EFCAB11: variants seen among roughly 807,000 people sequenced by gnomAD.
The protein encoded by EFCAB11 is EF-hand calcium-binding domain-containing protein 11.
EFCAB11 carries 14 observed loss-of-function variants against 23.0 expected under a neutral mutation model. That is an observed-to-expected ratio of 0.61 (90% CI 0.40 to 0.95). EFCAB11 has a LOEUF of 0.95. EFCAB11 is among the 40% of genes least tolerant of loss of function. The pLI is 0.00. For synonymous variants in EFCAB11, 65 were observed against 66.6 expected, an observed-to-expected ratio of 0.98 and a Z score of 0.11; for missense variants, 198 against 195.8, an observed-to-expected ratio of 1.01 and a Z score of -0.07.
At chr14:89,924,642 T>C (rs1341061803) in intron 5 of EFCAB11, 1 of 1,535,742 alleles carries the variant, frequency 6.5e-7, no homozygotes, top group South Asian at 1.2e-5. Context: ...AGCTTCCTGA[T>C]GACAGCCGAA....
chr14:89,822,344 G>A (rs113250033), intron 5 of EFCAB11, among the ~76,000 whole-genome samples: 2,809 of 152,350 alleles, frequency 0.018, 52 homozygotes, highest in Middle Eastern at 0.068. Context: ...GAATGTAGGC[G>A]TATAAGCGTG....
At chr14:89,801,132 A>C (rs1376266437) in intron 5 of EFCAB11, among the ~76,000 whole-genome samples, 1 of 152,162 alleles carries the variant, frequency 6.6e-6, no homozygotes, top group East Asian at 1.9e-4. Flanking sequence ...ACAAGCCAAG[A>C]CAAGAGAGGG....
At chr14:89,933,566 T>C (rs1046450906) in intron 3 of EFCAB11, among the ~76,000 whole-genome samples, 5 of 152,262 alleles carry the variant, frequency 3.3e-5, no homozygotes, top group African/African-American at 1.2e-4. Flanking sequence ...CCTACATCTT[T>C]ATTTACATTT....
chr14:89,953,834 C>T lies in EFCAB11; in HGVS notation c.171+72G>A, dbSNP rs1409807731. 11 of 1,276,214 alleles carry T rather than the reference C, an allele frequency of 8.6e-6. No individual in the cohort carries two copies. The African/African-American group carries it at 1.6e-4, about 19-fold the overall frequency. The allele number at this position is 1,276,214 out of a possible 1,614,324, so 79.1% of individuals were successfully genotyped here. ...AATTTATAAACATCCTAAGCTAGCC[C>T]TGTGAACTTTTCTTAGGATCCATTC... On this transcript the variant is annotated intron_variant, in intron 2 of 5. Coordinates refer to ENST00000316738, the MANE Select transcript of EFCAB11 (RefSeq NM_145231.4).
At chr14:89,925,218 C>T (rs750397838) in intron 5 of EFCAB11, among the ~76,000 whole-genome samples, 5 of 152,080 alleles carry the variant, frequency 3.3e-5, no homozygotes, top group African/African-American at 7.2e-5. Context: ...ACAAGTACCA[C>T]GCCAAGGGAA....
chr14:89,917,817 G>T (rs991330881), intron 5 of EFCAB11, among the ~76,000 whole-genome samples: 11 of 152,226 alleles, frequency 7.2e-5, no homozygotes, highest in Non-Finnish European at 4.4e-5. Flanking sequence ...AGGACTCTCA[G>T]CTTTAACTGT....
chr14:89,817,177 A>ATT (rs1392771945), intron 5 of EFCAB11, among the ~76,000 whole-genome samples: 4 of 152,126 alleles, frequency 2.6e-5, no homozygotes, highest in African/African-American at 9.7e-5. Flanking sequence ...TAACTGGGAC[A>ATT]ATAAGGGGCA....
chr14:89,924,590 A>T, intron 5 of EFCAB11: 2 of 1,532,588 alleles, frequency 1.3e-6, no homozygotes, highest in Non-Finnish European at 1.7e-6. Context: ...GAAATACCAC[A>T]GGGTGTTGAT....
At chr14:89,922,361 AAAG>A (rs1437240024) in intron 5 of EFCAB11, among the ~76,000 whole-genome samples, 1 of 152,252 alleles carries the variant, frequency 6.6e-6, no homozygotes, top group Non-Finnish European at 1.5e-5. Context: ...CAGGGAAAAT[AAAG>A]GAGACGGCCA....
At chr14:89,865,580 C>T (rs979675872) in intron 5 of EFCAB11, among the ~76,000 whole-genome samples, 2 of 152,000 alleles carry the variant, frequency 1.3e-5, no homozygotes, top group African/African-American at 2.4e-5. Flanking sequence ...CGGCTCACTG[C>T]AGCGTCAACC....
chr14:89,844,982 G>A (rs903799860), intron 5 of EFCAB11, among the ~76,000 whole-genome samples: 2 of 152,050 alleles, frequency 1.3e-5, no homozygotes, highest in Non-Finnish European at 2.9e-5. Context: ...GGGGTTATAA[G>A]GATTAGGTAT....
chr14:89,859,425 C>T (rs916212022), intron 5 of EFCAB11, among the ~76,000 whole-genome samples: 2 of 152,182 alleles, frequency 1.3e-5, no homozygotes, highest in Middle Eastern at 3.2e-3. Flanking sequence ...AAGGAACTCA[C>T]GGAGGAGAGA....
intron 5 of EFCAB11, among the ~76,000 whole-genome samples, chr14:89,822,476 T>C (rs2140103368): frequency 6.6e-6 from 1 of 152,258 alleles, no homozygotes. Flanking sequence ...AGCACCTAGG[T>C]TGGATTGGTC....
At chr14:89,866,146 T>C (rs1888085664) in intron 5 of EFCAB11, among the ~76,000 whole-genome samples, 1 of 152,184 alleles carries the variant, frequency 6.6e-6, no homozygotes, top group South Asian at 2.1e-4. Context: ...AGAGGACTTG[T>C]GTTTTAAAGG....
intron 3 of EFCAB11, among the ~76,000 whole-genome samples, chr14:89,944,860 TA>T (rs1596470003): frequency 6.7e-6 from 1 of 150,114 alleles, no homozygotes; most frequent in East Asian, 1.9e-4. Flanking sequence ...ACAATATTAA[TA>T]AATCTAATAA....
intron 5 of EFCAB11, among the ~76,000 whole-genome samples, chr14:89,822,090 G>GT: frequency 6.6e-6 from 1 of 151,878 alleles, no homozygotes; most frequent in Non-Finnish European, 1.5e-5. Flanking sequence ...TTTTTTTTAT[G>GT]TTTACAACCA....
At chr14:89,907,751 C>T (rs1253708733) in intron 5 of EFCAB11, among the ~76,000 whole-genome samples, 1 of 152,148 alleles carries the variant, frequency 6.6e-6, no homozygotes, top group East Asian at 1.9e-4. Flanking sequence ...CAAAGATCCT[C>T]CTTTACACGG....
intron 5 of EFCAB11, among the ~76,000 whole-genome samples, chr14:89,911,007 C>T (rs749496089): frequency 3.3e-5 from 5 of 152,138 alleles, no homozygotes; most frequent in Non-Finnish European, 7.3e-5. Flanking sequence ...AACAAAGGTG[C>T]ACCTAGTACA....
At chr14:89,918,426 C>A (rs1889919092) in intron 5 of EFCAB11, among the ~76,000 whole-genome samples, 1 of 151,690 alleles carries the variant, frequency 6.6e-6, no homozygotes. Context: ...GTAATCCCAG[C>A]TACTTGGGAG....
Sources: gnomAD v4.1 joint callset for allele counts (sites outside exome capture counted in the v4.1 genomes callset) on GRCh38, gnomAD v4.1.1 for gene constraint, MANE v1.5 for transcripts, NCBI Gene and HGNC (gene_info 2026-07-23, HGNC 2026-07-21) for gene names.